Variants in ADAM22 observed in about 807,000 individuals in gnomAD.
ADAM22 encodes ADAM metallopeptidase domain 22, also known as disintegrin and metalloproteinase domain-containing protein 22.
A neutral mutation model predicts 144.6 loss-of-function variants in ADAM22; 65 were observed. That is an observed-to-expected ratio of 0.45 (90% confidence interval 0.37 to 0.55). ADAM22 has a LOEUF of 0.55. Ranked by LOEUF, ADAM22 falls within the 20% of genes least tolerant of loss-of-function variation. ADAM22 has a pLI of 0.00. For missense variants in ADAM22, 974 were observed against 1,184.9 expected, an observed-to-expected ratio of 0.82 and a Z score of 2.61; for synonymous variants, 391 against 412.6, an observed-to-expected ratio of 0.95 and a Z score of 0.63.
chr7:88,047,645 T>C (rs1417258853), intron 3 of ADAM22, among the ~76,000 whole-genome samples: 1 of 152,208 alleles, frequency 6.6e-6, no homozygotes, highest in Non-Finnish European at 1.5e-5. Flanking sequence ...CCATGAACTG[T>C]ATGTATTCTG....
At chr7:87,954,749 G>A (rs1221542443) in intron 2 of ADAM22, among the ~76,000 whole-genome samples, 2 of 152,116 alleles carry the variant, frequency 1.3e-5, no homozygotes, top group Non-Finnish European at 2.9e-5. Flanking sequence ...TTCCAACTTG[G>A]TTCCATTCTC....
chr7:88,183,523 GTTACT>G (rs1214986274), intron 29 of ADAM22, among the ~76,000 whole-genome samples: 1 of 151,972 alleles, frequency 6.6e-6, no homozygotes, highest in African/African-American at 2.4e-5. Context: ...TTCTAGAGCA[GTTACT>G]TATTTTTTTA....
At chr7:88,130,741 A>G (rs562792611) in intron 10 of ADAM22, among the ~76,000 whole-genome samples, 1 of 152,294 alleles carries the variant, frequency 6.6e-6, no homozygotes, top group African/African-American at 2.4e-5. Context: ...AGGTATTCAC[A>G]GTGACTTATA....
chr7:87,949,304 C>T (rs1430811548), intron 2 of ADAM22, among the ~76,000 whole-genome samples: 1 of 152,024 alleles, frequency 6.6e-6, no homozygotes, highest in Non-Finnish European at 1.5e-5. Flanking sequence ...GCCATGATGA[C>T]GAGGGGAGGG....
intron 4 of ADAM22, among the ~76,000 whole-genome samples, chr7:88,089,211 A>G: frequency 6.6e-6 from 1 of 152,140 alleles, no homozygotes; most frequent in South Asian, 2.1e-4. Context: ...GCATTACCAT[A>G]CAGAATCTTG....
intron 3 of ADAM22, among the ~76,000 whole-genome samples, chr7:88,007,286 G>A (rs372400118): frequency 6.6e-6 from 1 of 152,184 alleles, no homozygotes; most frequent in East Asian, 1.9e-4. Context: ...ATGCTCATGG[G>A]TAGGAAGAAT....
chr7:88,008,549 A>G (rs1260235248), intron 3 of ADAM22, among the ~76,000 whole-genome samples: 1 of 152,172 alleles, frequency 6.6e-6, no homozygotes, highest in African/African-American at 2.4e-5. Flanking sequence ...GCACATATAC[A>G]TCATGGAATA....
intron 3 of ADAM22, among the ~76,000 whole-genome samples, chr7:87,991,352 ATTTTTTTTTT>A (rs10549124): frequency 2.3e-5 from 2 of 86,036 alleles, no homozygotes; most frequent in Non-Finnish European, 4.2e-5. Context: ...CACTAGCCTT[ATTTTTTTTTT>A]TTTTTTTTTT....
intron 8 of ADAM22, among the ~76,000 whole-genome samples, chr7:88,126,611 C>G (rs1381197342): frequency 1.3e-5 from 2 of 151,918 alleles, no homozygotes; most frequent in Non-Finnish European, 2.9e-5. Flanking sequence ...TTAAGTATCC[C>G]TTTTCCAAAA....
chr7:88,108,053 A>G (rs1824918585), intron 4 of ADAM22, 123 bp from the exon 5 acceptor site: 7 of 672,706 alleles, frequency 1.0e-5, no homozygotes, highest in Non-Finnish European at 1.7e-5. Flanking sequence ...GCTAATCTGA[A>G]TAATGAAATA....
At chr7:87,935,787 G>GC (rs1562790387) in intron 2 of ADAM22, among the ~76,000 whole-genome samples, 2 of 152,154 alleles carry the variant, frequency 1.3e-5, no homozygotes, top group African/African-American at 4.8e-5. Flanking sequence ...TTTAATTAGG[G>GC]CTGTGCTGTT....
intron 3 of ADAM22, among the ~76,000 whole-genome samples, chr7:88,073,717 G>A (rs1392129187): frequency 2.0e-5 from 3 of 152,350 alleles, no homozygotes; most frequent in Admixed American, 6.5e-5. Context: ...GATACATAGT[G>A]TTCATGTTCA....
At chr7:88,133,604 T>A (rs867246504) in intron 12 of ADAM22, among the ~76,000 whole-genome samples, 3 of 152,236 alleles carry the variant, frequency 2.0e-5, no homozygotes, top group Middle Eastern at 6.8e-3. Flanking sequence ...TCACTTTGAA[T>A]GATTTTCCAG....
chr7:88,094,497 G>T (rs902426087), intron 4 of ADAM22, among the ~76,000 whole-genome samples: 11 of 152,188 alleles, frequency 7.2e-5, no homozygotes, highest in Admixed American at 3.9e-4. Context: ...AGGGATGAAA[G>T]TAGGAGGATG....
chr7:87,990,902 G>A (rs933934133), intron 3 of ADAM22, among the ~76,000 whole-genome samples: 1 of 152,128 alleles, frequency 6.6e-6, no homozygotes, highest in African/African-American at 2.4e-5. Flanking sequence ...GACCTCAAGT[G>A]ATCCATTTGC....
At chr7:87,944,658 G>C (rs1335017217) in intron 2 of ADAM22, among the ~76,000 whole-genome samples, 1 of 152,096 alleles carries the variant, frequency 6.6e-6, no homozygotes, top group East Asian at 1.9e-4. Context: ...GAGGCTCAGG[G>C]AAATCAGAGA....
intron 3 of ADAM22, 143 bp from the exon 4 acceptor site, chr7:88,075,483 T>TGA (rs34297186): frequency 3.7e-5 from 18 of 481,326 alleles, no homozygotes; most frequent in African/African-American, 6.4e-5. Flanking sequence ...TGTGTGAGTG[T>TGA]GAGAGAGAGA....
chr7:88,198,952 A>C lies in ADAM22; in HGVS notation c.*2461A>C, dbSNP rs1292131341. ...AGGTATACAGTAACTTTAATGTTCT[A>C]TTCTTGGAATCTACTCTATCTCCCA... On this transcript the variant is annotated 3_prime_UTR_variant, in exon 32 of 32. Coordinates refer to ENST00000413139, the MANE Select transcript of ADAM22 (RefSeq NM_001324418.2). 6.6e-6 allele frequency: 1 copy of C among 152,162 alleles called. No individual in the cohort carries two copies. Among genetic ancestry groups the C allele is most frequent in the Non-Finnish European group, 1.5e-5 (1 of 68,022 alleles). The allele number at this position is 152,162 out of a possible 1,614,324, so 9.4% of individuals were successfully genotyped here.
intron 20 of ADAM22, 57 bp from the exon 21 acceptor site, chr7:88,153,164 C>A: frequency 7.9e-7 from 1 of 1,270,694 alleles, no homozygotes; most frequent in Non-Finnish European, 1.1e-6. Context: ...TTCTGCAAAG[C>A]TTTTGAGCAG....
Sources: allele counts gnomAD v4.1 joint callset (sites outside exome capture counted in the v4.1 genomes callset), GRCh38; gene constraint gnomAD v4.1.1; transcripts MANE v1.5; gene names NCBI Gene and HGNC (gene_info 2026-07-23, HGNC 2026-07-21).